RASGRF2: variants seen among roughly 807,000 people sequenced by gnomAD.
The protein encoded by RASGRF2 is Ras protein specific guanine nucleotide releasing factor 2.
In RASGRF2, 76 loss-of-function variants were observed where a neutral mutation model predicts 151.0. The observed-to-expected ratio is 0.50, with a 90% CI of 0.42 to 0.61. The LOEUF is 0.61. RASGRF2 is among the 20% of genes least tolerant of loss of function. The pLI is 0.00. For missense variants in RASGRF2, 1,148 were observed against 1,564.6 expected (o/e 0.73, Z 4.49); for synonymous variants, 504 against 566.5 (o/e 0.89, Z 1.57).
At chr5:81,207,636 A>T (rs997994360) in intron 21 of RASGRF2, among the ~76,000 whole-genome samples, 1 of 152,226 alleles carries the variant, frequency 6.6e-6, no homozygotes, top group Non-Finnish European at 1.5e-5. Context: ...TAATTCCTGT[A>T]TGCTGCATCT....
intron 1 of RASGRF2, among the ~76,000 whole-genome samples, chr5:80,990,098 G>C (rs1477203515): frequency 6.6e-6 from 1 of 152,296 alleles, no homozygotes. Context: ...GGGGACAAGC[G>C]GGAGCTGTGT....
At chr5:81,070,459 C>A in intron 3 of RASGRF2, 33 bp from the exon 4 acceptor site, 3 of 1,525,612 alleles carry the variant, frequency 2.0e-6, no homozygotes, top group South Asian at 2.2e-5. Flanking sequence ...CAGCATTTCC[C>A]AAATCATGAA....
At position 81,080,714 on chromosome 5, in the gene RASGRF2, C is replaced by T. The variant is rs200880285; in HGVS notation, c.1086C>T (p.Leu362=). The T allele has an allele frequency of 1.2e-6, 2 of 1,614,218 alleles. No individual in the cohort carries two copies. The highest frequency in any genetic ancestry group is 2.2e-5 in the East Asian group (1 of 44,884). The part of the protein sequence containing the change: ...NCKQNRDFDK[L]LKQYEANPAC... ...AGCAAAACAGAGATTTTGACAAACT[C>T]TTAAAACAGTATGAAGCCAATCCAG... The change falls in exon 7 of 27, where the codon CTC becomes CTT. Residue 362 remains leucine, a synonymous_variant. Transcript: ENST00000265080.
At chr5:81,215,725 A>T in intron 23 of RASGRF2, 151 bp from the exon 24 acceptor site, 1 of 986,560 alleles carries the variant, frequency 1.0e-6, no homozygotes, top group Non-Finnish European at 1.3e-6. Context: ...CCCTGTCTCT[A>T]CATCTTAGAA....
chr5:81,186,088 C>T (rs983705969), intron 18 of RASGRF2, among the ~76,000 whole-genome samples: 1 of 152,240 alleles, frequency 6.6e-6, no homozygotes, highest in Non-Finnish European at 1.5e-5. Context: ...TTCTAACTCA[C>T]TCCAGTTCTC....
intron 17 of RASGRF2, among the ~76,000 whole-genome samples, chr5:81,165,107 T>G (rs1245398777): frequency 6.6e-6 from 1 of 152,126 alleles, no homozygotes; most frequent in African/African-American, 2.4e-5. Context: ...GGGCTTAAGG[T>G]TTCACAACTG....
chr5:80,989,584 G>C (rs1748583772), intron 1 of RASGRF2, among the ~76,000 whole-genome samples: 1 of 152,148 alleles, frequency 6.6e-6, no homozygotes, highest in African/African-American at 2.4e-5. Context: ...GCAGACTTTG[G>C]CGCTACTACT....
intron 1 of RASGRF2, among the ~76,000 whole-genome samples, chr5:81,010,313 A>C (rs1014594454): frequency 6.6e-6 from 1 of 152,184 alleles, no homozygotes; most frequent in African/African-American, 2.4e-5. Flanking sequence ...TTCACGGACG[A>C]AAAACTCAAA....
intron 18 of RASGRF2, among the ~76,000 whole-genome samples, chr5:81,186,082 AACTC>A (rs1755019507): frequency 6.6e-6 from 1 of 152,220 alleles, no homozygotes; most frequent in South Asian, 2.1e-4. Flanking sequence ...TTATATTTCT[AACTC>A]ACTCCAGTTC....
chr5:81,099,021 C>A (rs1752623110), intron 12 of RASGRF2, among the ~76,000 whole-genome samples: 1 of 152,178 alleles, frequency 6.6e-6, no homozygotes, highest in Non-Finnish European at 1.5e-5. Context: ...CCACAGATAA[C>A]CTACATTAGA....
chr5:81,098,404 G>A (rs947797992), intron 12 of RASGRF2, among the ~76,000 whole-genome samples: 1 of 152,138 alleles, frequency 6.6e-6, no homozygotes, highest in Non-Finnish European at 1.5e-5. Context: ...CATCATTTGG[G>A]TGGTATTTAA....
intron 24 of RASGRF2, 100 bp from the exon 25 acceptor site, chr5:81,217,256 G>T: frequency 6.8e-7 from 1 of 1,481,158 alleles, no homozygotes; most frequent in African/African-American, 1.4e-5. Context: ...TTGCTCTTCA[G>T]TACCAAAGGA....
chr5:81,185,240 C>A (rs1755001094), intron 18 of RASGRF2, among the ~76,000 whole-genome samples: 1 of 152,156 alleles, frequency 6.6e-6, no homozygotes, highest in South Asian at 2.1e-4. Context: ...TCACTTCTAG[C>A]CACATGGGAA....
Position 81,057,488 on chromosome 5 carries a change from A to G in RASGRF2, c.396-10544A>G, listed in dbSNP as rs376317718. Reference sequence around the variant, plus strand: ...TTGGACTTTTCAACATTTTATTTGAATGTTTCCTTTTCTCCATATGGAGTG... The same window carrying G: ...TTGGACTTTTCAACATTTTATTTGAGTGTTTCCTTTTCTCCATATGGAGTG... On this transcript the variant is annotated intron_variant, in intron 2 of 26. Transcript: ENST00000265080. 2.2e-4 allele frequency among the ~76,000 whole-genome samples: 33 copies of G among 152,240 alleles called. 1 individual carries two copies. In the East Asian group the frequency reaches 6.2e-3, roughly 28 times the overall value.
chr5:81,003,068 TGAGA>T (rs72452290), intron 1 of RASGRF2, among the ~76,000 whole-genome samples: 25,749 of 151,900 alleles, frequency 0.17, 2,230 homozygotes, highest in South Asian at 0.21. Flanking sequence ...CTATTTTTTT[TGAGA>T]GAGAGAGAAA....
intron 1 of RASGRF2, among the ~76,000 whole-genome samples, chr5:80,961,910 A>G (rs1747572141): frequency 3.9e-5 from 6 of 152,222 alleles, no homozygotes; most frequent in Admixed American, 3.3e-4. Context: ...GACTAATTTT[A>G]TGCCCCTAAT....
Position 81,228,833 on chromosome 5 carries a change from G to A in RASGRF2, c.*3063G>A, listed in dbSNP as rs1290137855. 4 of 152,074 alleles carry A rather than the reference G, an allele frequency of 2.6e-5. No homozygotes were observed. The East Asian group carries it at 7.7e-4, about 29-fold the overall frequency. 9.4% of individuals were successfully genotyped at this position (152,074 alleles called of 1,614,324 possible). ...GGAATTTAAAGACGGAATTTTAAACGGCCATTGCAATATTTTCAAGTGGCT... is the reference window on the plus strand; with the variant it reads ...GGAATTTAAAGACGGAATTTTAAACAGCCATTGCAATATTTTCAAGTGGCT... On this transcript the variant is annotated 3_prime_UTR_variant, in exon 27 of 27. Coordinates refer to ENST00000265080, the MANE Select transcript of RASGRF2 (RefSeq NM_006909.3).
chr5:81,098,185 G>A (rs1279099122), intron 12 of RASGRF2, among the ~76,000 whole-genome samples: 1 of 152,186 alleles, frequency 6.6e-6, no homozygotes, highest in African/African-American at 2.4e-5. Context: ...GACCTCAGAG[G>A]TTTTGGCCTG....
chr5:81,014,132 C>G (rs138044965), intron 1 of RASGRF2, among the ~76,000 whole-genome samples: 130 of 152,044 alleles, frequency 8.6e-4, no homozygotes, highest in African/African-American at 3.0e-3. Flanking sequence ...GTATTTTATC[C>G]TACAAAAGTT....
Sources: gnomAD v4.1 joint callset for allele counts (sites outside exome capture counted in the v4.1 genomes callset) on GRCh38, gnomAD v4.1.1 for gene constraint, MANE v1.5 for transcripts, NCBI Gene and HGNC (gene_info 2026-07-23, HGNC 2026-07-21) for gene names.